Variants in MCTP1 observed in about 807,000 individuals in gnomAD.
MCTP1 encodes the protein multiple C2 and transmembrane domain-containing protein 1.
A neutral mutation model predicts 120.6 loss-of-function variants in MCTP1; 69 were observed. The ratio of observed to expected loss-of-function variants is 0.57; its 90% CI spans 0.47 to 0.70. The LOEUF (loss-of-function observed/expected upper bound fraction) is 0.70. Ranked by LOEUF, MCTP1 falls within the 30% of genes least tolerant of loss-of-function variation. The pLI, the probability that MCTP1 is intolerant of heterozygous loss-of-function variation, is 0.00. For synonymous variants in MCTP1, 529 were observed against 493.1 expected (o/e 1.07, Z -0.96); for missense variants, 1,203 against 1,248.8 (o/e 0.96, Z 0.55).
chr5:95,202,133 C>T (rs1008933464), intron 1 of MCTP1, among the ~76,000 whole-genome samples: 1 of 152,078 alleles, frequency 6.6e-6, no homozygotes, highest in South Asian at 2.1e-4. Flanking sequence ...GTGGGTAGAA[C>T]CCTGCAGCTG....
chr5:94,714,854 G>C lies in MCTP1; in HGVS notation c.2643C>G (p.Ile881Met). 1 of 1,612,040 alleles carries C rather than the reference G, an allele frequency of 6.2e-7. No individual in the cohort carries two copies. Among genetic ancestry groups the C allele is most frequent in the Non-Finnish European group, 8.5e-7 (1 of 1,178,276 alleles). Residue 881 changes from isoleucine (I) to methionine (M), a missense_variant, in exon 20 of 23, where the codon ATC becomes ATG. Transcript: ENST00000515393. ...DSEKKGFINK[I>M]YAIQEVCVSV... is the part of the protein sequence containing the mutation. Reference sequence around the variant, plus strand: ...TGACACATACCTCCTGGATGGCATAGATTTTATTTATAAATCCCTTTTTTT... The same window carrying C: ...TGACACATACCTCCTGGATGGCATACATTTTATTTATAAATCCCTTTTTTT...
At chr5:95,251,777 C>G (rs905998923) in intron 1 of MCTP1, among the ~76,000 whole-genome samples, 1 of 151,956 alleles carries the variant, frequency 6.6e-6, no homozygotes, top group Non-Finnish European at 1.5e-5. Flanking sequence ...TTTAGTCATC[C>G]AATCCTCACA....
At chr5:95,031,080 G>T (rs1229684342) in intron 1 of MCTP1, among the ~76,000 whole-genome samples, 4 of 151,174 alleles carry the variant, frequency 2.6e-5, no homozygotes, top group African/African-American at 9.7e-5. Flanking sequence ...ATCTGAGTCA[G>T]ACAAAAATTT....
chr5:95,183,714 T>C (rs1748873124), intron 1 of MCTP1, among the ~76,000 whole-genome samples: 1 of 151,868 alleles, frequency 6.6e-6, no homozygotes, highest in Non-Finnish European at 1.5e-5. Context: ...ATGAGAATGG[T>C]AAATAAGTAC....
intron 19 of MCTP1, among the ~76,000 whole-genome samples, chr5:94,721,894 A>G (rs1385111620): frequency 1.3e-5 from 2 of 151,240 alleles, no homozygotes; most frequent in Non-Finnish European, 3.0e-5. Context: ...GGTGAAAAAA[A>G]AAAAATATCC....
chr5:94,927,187 T>C (rs1012915571), intron 6 of MCTP1, among the ~76,000 whole-genome samples: 1 of 152,196 alleles, frequency 6.6e-6, no homozygotes, highest in African/African-American at 2.4e-5. Context: ...TCTACTGACA[T>C]TATAATATCT....
Position 94,704,743 on chromosome 5 carries a change from C to T in MCTP1, c.*2753G>A, listed in dbSNP as rs1417285508. 1 of 150,882 alleles carries T rather than the reference C, an allele frequency of 6.6e-6. No homozygotes were observed. Among genetic ancestry groups the T allele is most frequent in the Non-Finnish European group, 1.5e-5 (1 of 67,442 alleles). The allele number at this position is 150,882 out of a possible 1,614,324, so 9.3% of individuals were successfully genotyped here. ...TATATCACAGAGTCCTTTTAAGAAT[C>T]TCCCAACTCAGATTATCCTAGTGCA... On this transcript the variant is annotated 3_prime_UTR_variant, in exon 23 of 23. Coordinates refer to ENST00000515393, the MANE Select transcript of MCTP1 (RefSeq NM_024717.7).
rs1749067994 is a variant in MCTP1 at position 95,061,408 on chromosome 5, G to GTTGTT, written c.721-43925_721-43924insAACAA. Among the ~76,000 whole-genome samples, 11 of 33,482 alleles carry GTTGTT rather than the reference G, an allele frequency of 3.3e-4. 1 individual carries two copies. Among genetic ancestry groups the GTTGTT allele is most frequent in the Non-Finnish European group, 5.6e-4 (9 of 16,074 alleles). 22.0% of individuals were successfully genotyped at this position (33,482 alleles called of 152,430 possible). ...ATCAATTTTCACAAACCCCTTAAGG[G>GTTGTT]TTTTTTTTTTTTTTTTTTTTTTTTT... On this transcript the variant is annotated intron_variant, in intron 1 of 22. Transcript: ENST00000515393.
At chr5:94,725,779 G>T (rs1762003311) in intron 19 of MCTP1, among the ~76,000 whole-genome samples, 1 of 152,126 alleles carries the variant, frequency 6.6e-6, no homozygotes, top group Admixed American at 6.6e-5. Context: ...TCTGTAAAAT[G>T]AGGATAATAA....
chr5:95,090,261 T>C (rs142094790), intron 1 of MCTP1, among the ~76,000 whole-genome samples: 7 of 152,346 alleles, frequency 4.6e-5, no homozygotes, highest in African/African-American at 1.7e-4. Context: ...AAATAAAGCA[T>C]AGTTTTTAAA....
intron 1 of MCTP1, among the ~76,000 whole-genome samples, chr5:95,071,997 T>C (rs1181400064): frequency 6.6e-6 from 1 of 152,058 alleles, no homozygotes; most frequent in Non-Finnish European, 1.5e-5. Context: ...AATTTTCCTT[T>C]AGAGTAAACA....
chr5:94,729,160 T>A (rs1299317320), intron 19 of MCTP1, among the ~76,000 whole-genome samples: 1 of 152,176 alleles, frequency 6.6e-6, no homozygotes, highest in East Asian at 1.9e-4. Context: ...CAGAAACTAC[T>A]CTAAGTATTT....
intron 1 of MCTP1, among the ~76,000 whole-genome samples, chr5:95,184,515 G>T (rs758488381): frequency 1.3e-5 from 2 of 152,086 alleles, no homozygotes; most frequent in Admixed American, 1.3e-4. Context: ...GTTCATTCCC[G>T]GGTGTAGGGC....
At chr5:94,913,911 G>T (rs1809425778) in intron 8 of MCTP1, among the ~76,000 whole-genome samples, 1 of 151,896 alleles carries the variant, frequency 6.6e-6, no homozygotes, top group Non-Finnish European at 1.5e-5. Context: ...GTCTTGCTTG[G>T]TTGACCAGGC....
At chr5:94,930,589 A>G (rs1561876712) in intron 6 of MCTP1, among the ~76,000 whole-genome samples, 1 of 152,068 alleles carries the variant, frequency 6.6e-6, no homozygotes, top group Non-Finnish European at 1.5e-5. Flanking sequence ...TTCATTTCTA[A>G]TCTTCCTTTT....
At position 95,158,772 on chromosome 5, in the gene MCTP1, C is replaced by CA. The variant is rs144028033; in HGVS notation, c.720+125083dup. 4.4e-3 allele frequency among the ~76,000 whole-genome samples: 616 copies of CA among 139,006 alleles called. 2 individuals are homozygous for CA. Among genetic ancestry groups the CA allele is most frequent in the Non-Finnish European group, 7.2e-3 (461 of 64,472 alleles). 91.2% of individuals were successfully genotyped at this position (139,006 alleles called of 152,430 possible). On this transcript the variant is annotated intron_variant, in intron 1 of 22. Coordinates refer to ENST00000515393, the MANE Select transcript of MCTP1 (RefSeq NM_024717.7). ...GAAACTCTGTCTCTACAAAAAATAC[C>CA]AAAAAAAAAAAAAAAAATTAGCCAG... is the stretch of plus-strand genomic sequence containing the variant.
Position 94,919,856 on chromosome 5 carries a change from T to A in MCTP1, c.1273-1883A>T, listed in dbSNP as rs78007902. 3.3e-3 allele frequency among the ~76,000 whole-genome samples: 499 copies of A among 152,374 alleles called. 5 individuals carry two copies. The highest frequency in any genetic ancestry group is 0.017 in the Middle Eastern group (5 of 292). ...ATCCACCCATCCTCTCAAAGTAGGATTGCTTTTACAGAAAACTCTCCCAGT... is the reference window on the plus strand; with the variant it reads ...ATCCACCCATCCTCTCAAAGTAGGAATGCTTTTACAGAAAACTCTCCCAGT... On this transcript the variant is annotated intron_variant, in intron 7 of 22. Transcript: ENST00000515393.
At chr5:95,194,810 C>T (rs1447312062) in intron 1 of MCTP1, among the ~76,000 whole-genome samples, 1 of 152,168 alleles carries the variant, frequency 6.6e-6, no homozygotes, top group East Asian at 1.9e-4. Context: ...ACAATGGAAC[C>T]TTCCAAACAC....
intron 1 of MCTP1, among the ~76,000 whole-genome samples, chr5:95,253,225 A>G (rs154065): frequency 0.16 from 25,017 of 152,164 alleles, 2,128 homozygotes; most frequent in Non-Finnish European, 0.19. Context: ...TTTTATGTGC[A>G]TGAAAATTAC....
Sources: allele counts gnomAD v4.1 joint callset (sites outside exome capture counted in the v4.1 genomes callset), GRCh38; gene constraint gnomAD v4.1.1; transcripts MANE v1.5; gene names NCBI Gene and HGNC (gene_info 2026-07-23, HGNC 2026-07-21).